Variants in R3HDM2 observed in about 807,000 individuals in gnomAD.
R3HDM2 encodes the protein R3H domain containing 2, also known as R3H domain-containing protein 2.
A neutral mutation model predicts 124.5 loss-of-function variants in R3HDM2; 38 were observed. That is an observed-to-expected ratio of 0.31 (90% CI 0.24 to 0.40). The LOEUF is 0.40. Ranked by LOEUF, R3HDM2 falls within the 10% of genes least tolerant of loss-of-function variation. The probability of loss-of-function intolerance (pLI) is 1.00; values close to 1 mark genes in which losing one functional copy is unlikely to be tolerated. For missense variants in R3HDM2, 869 were observed against 1,236.9 expected (o/e 0.70, Z 4.46); for synonymous variants, 391 against 448.0 (o/e 0.87, Z 1.61).
At chr12:57,418,099 ACT>A (rs1052665617) in intron 1 of R3HDM2, 2 of 928,120 alleles carry the variant, frequency 2.2e-6, no homozygotes, top group African/African-American at 3.6e-5. Flanking sequence ...CCAAAAGTGA[ACT>A]CTCTACCAAC....
chr12:57,310,209 C>G, intron 3 of R3HDM2, 55 bp downstream of exon 3: 1 of 1,267,086 alleles, frequency 7.9e-7, no homozygotes, highest in Non-Finnish European at 1.0e-6. Context: ...GCTGGGTAAC[C>G]CTGTCTCTAA....
At chr12:57,389,666 T>G (rs1019439233) in intron 2 of R3HDM2, among the ~76,000 whole-genome samples, 2 of 152,238 alleles carry the variant, frequency 1.3e-5, no homozygotes, top group Non-Finnish European at 2.9e-5. Flanking sequence ...TTGGAAAGGC[T>G]GCTTTAATTG....
chr12:57,280,471 C>T lies in R3HDM2; in HGVS notation c.1231G>A (p.Gly411Arg). Residue 411 changes from glycine (G) to arginine (R), a missense_variant, in exon 14 of 24, where the codon GGG (glycine) becomes AGG (arginine). Transcript: ENST00000402412. ...TGCTGGGCAGTACAAGGGAGAAGCC[C>T]CCGGACAGACTGGGATGAGGTGACC... ...NQVTSSQSVR[G>R]LLPCTAQQQQ... The T allele has an allele frequency of 6.2e-7, 1 of 1,614,002 alleles. No homozygotes were observed. Among genetic ancestry groups the T allele is most frequent in the Non-Finnish European group, 8.5e-7 (1 of 1,179,916 alleles).
chr12:57,298,942 G>C (rs565062086), intron 6 of R3HDM2, among the ~76,000 whole-genome samples: 1 of 151,922 alleles, frequency 6.6e-6, no homozygotes, highest in Non-Finnish European at 1.5e-5. Flanking sequence ...CAGCCTGGGC[G>C]ACAGAGGGAG....
At chr12:57,429,129 T>C (rs978428258) in intron 1 of R3HDM2, among the ~76,000 whole-genome samples, 1 of 152,176 alleles carries the variant, frequency 6.6e-6, no homozygotes, top group African/African-American at 2.4e-5. Context: ...CTCACGCCTG[T>C]AATCCCAGTG....
intron 2 of R3HDM2, among the ~76,000 whole-genome samples, chr12:57,374,720 G>A (rs1050617310): frequency 2.8e-5 from 4 of 144,064 alleles, no homozygotes; most frequent in Non-Finnish European, 6.0e-5. Context: ...AAGGCCGGGC[G>A]CGGTGGCTCA....
At chr12:57,308,057 T>C (rs2053100006) in intron 3 of R3HDM2, among the ~76,000 whole-genome samples, 1 of 150,124 alleles carries the variant, frequency 6.7e-6, no homozygotes, top group Non-Finnish European at 1.5e-5. Context: ...ATTTTTTTTT[T>C]TTTTTTTGAG....
chr12:57,360,049 T>TATATACATATATATATATA (rs2061739660), intron 2 of R3HDM2, among the ~76,000 whole-genome samples: 1 of 52,712 alleles, frequency 1.9e-5, no homozygotes, highest in Non-Finnish European at 3.8e-5. Context: ...ATATATATAT[T>TATATACATATATATATATA]TTTTTTTTTT....
At chr12:57,353,234 G>C (rs1456472876) in intron 2 of R3HDM2, among the ~76,000 whole-genome samples, 3 of 151,788 alleles carry the variant, frequency 2.0e-5, no homozygotes, top group Non-Finnish European at 4.4e-5. Context: ...ATACATATAG[G>C]ACAAATAACT....
At chr12:57,340,684 G>A (rs976352441) in intron 2 of R3HDM2, among the ~76,000 whole-genome samples, 1 of 152,136 alleles carries the variant, frequency 6.6e-6, no homozygotes, top group South Asian at 2.1e-4. Flanking sequence ...GCACAGAACA[G>A]AAGAGAAAAT....
intron 2 of R3HDM2, among the ~76,000 whole-genome samples, chr12:57,337,388 G>A (rs1404727513): frequency 6.6e-6 from 1 of 151,936 alleles, no homozygotes; most frequent in Non-Finnish European, 1.5e-5. Context: ...CGGGCTCAAG[G>A]GATCTGCCTA....
chr12:57,372,918 A>G (rs2063547866), intron 2 of R3HDM2, among the ~76,000 whole-genome samples: 1 of 152,220 alleles, frequency 6.6e-6, no homozygotes, highest in South Asian at 2.1e-4. Context: ...ATTAAACTCC[A>G]ACTCTGGCCA....
chr12:57,348,723 AGAGAG>A (rs1414125445), intron 2 of R3HDM2, among the ~76,000 whole-genome samples: 8 of 5,722 alleles, frequency 1.4e-3, no homozygotes, highest in African/African-American at 1.3e-3. Context: ...AAAAAAAAAG[AGAGAG>A]AAAAATTAGC....
At chr12:57,309,840 T>C (rs2053547628) in intron 3 of R3HDM2, among the ~76,000 whole-genome samples, 1 of 152,146 alleles carries the variant, frequency 6.6e-6, no homozygotes, top group Admixed American at 6.6e-5. Context: ...CTTTTGAGAG[T>C]TGAAGCTGGA....
chr12:57,263,415 A>C lies in R3HDM2; in HGVS notation c.2131+3316T>G, dbSNP rs1455350083. Among the ~76,000 whole-genome samples, 3 of 152,186 alleles carry C rather than the reference A, an allele frequency of 2.0e-5. No individual in the cohort carries two copies. In the East Asian group the frequency reaches 5.8e-4, roughly 29 times the overall value. On this transcript the variant is annotated intron_variant, in intron 19 of 23. Coordinates refer to ENST00000402412, the MANE Select transcript of R3HDM2 (RefSeq NM_001394031.1). ...AGCCAGAGAGACCAATAACATAATA[A>C]AAGTTAAGGACTTTTGAATTAAAAA... is the stretch of plus-strand genomic sequence containing the variant.
intron 1 of R3HDM2, among the ~76,000 whole-genome samples, chr12:57,428,491 A>ATGGTAGGGGGTG (rs1868539247): frequency 2.7e-5 from 1 of 36,844 alleles, no homozygotes; most frequent in Non-Finnish European, 5.4e-5. Context: ...TTAGCCGGGT[A>ATGGTAGGGGGTG]TGGTGGGGGG....
At chr12:57,307,306 G>T (rs551028168) in intron 3 of R3HDM2, among the ~76,000 whole-genome samples, 65 of 133,494 alleles carry the variant, frequency 4.9e-4, no homozygotes, top group South Asian at 1.5e-3. Context: ...GAAATGCTGG[G>T]TTTTTTTGTT....
In R3HDM2 at chr12:57,262,032, TG is replaced by T. The variant is rs374753062; in HGVS notation, c.2132-2974del. On this transcript the variant is annotated intron_variant, in intron 19 of 23. Coordinates refer to ENST00000402412, the MANE Select transcript of R3HDM2 (RefSeq NM_001394031.1). ...GTCTGGCAGAATTGTTTTTCATTTT[TG>T]TTTTTTTGTTTTTTTAAATCACTGA... Among the ~76,000 whole-genome samples, 39 of 152,308 alleles carry T rather than the reference TG, an allele frequency of 2.6e-4. 3 individuals are homozygous for T. The East Asian group carries it at 3.1e-3, about 12-fold the overall frequency.
chr12:57,378,107 A>C (rs1303751751), intron 2 of R3HDM2, among the ~76,000 whole-genome samples: 1 of 152,148 alleles, frequency 6.6e-6, no homozygotes, highest in Non-Finnish European at 1.5e-5. Context: ...TCAACAAAAA[A>C]CAAACAAACA....
Sources: gnomAD v4.1 joint callset for allele counts (sites outside exome capture counted in the v4.1 genomes callset) on GRCh38, gnomAD v4.1.1 for gene constraint, MANE v1.5 for transcripts, NCBI Gene and HGNC (gene_info 2026-07-23, HGNC 2026-07-21) for gene names.